The following PDAP1 variants were observed in gnomAD, a reference collection of about 807,000 sequenced individuals.
The protein encoded by PDAP1 is PDGFA associated protein 1.
In PDAP1, 13 loss-of-function variants were observed where a neutral mutation model predicts 28.0. The ratio of observed to expected loss-of-function variants is 0.46; its 90% CI spans 0.30 to 0.74. The LOEUF (loss-of-function observed/expected upper bound fraction) is 0.74, where lower values mean the gene tolerates loss of function less well. Among genes scored for constraint, PDAP1 ranks in the 30% least tolerant of loss-of-function variants. The pLI, the probability that PDAP1 is intolerant of heterozygous loss-of-function variation, is 0.07. For synonymous variants in PDAP1, 77 were observed against 85.1 expected, an observed-to-expected ratio of 0.91 and a Z score of 0.52; for missense variants, 150 against 230.0, an observed-to-expected ratio of 0.65 and a Z score of 2.25.
chr7:99,396,507 C>A lies in PDAP1; in HGVS notation c.*175G>T. On this transcript the variant is annotated 3_prime_UTR_variant, in exon 6 of 6. Transcript: ENST00000350498. ...TAGCAGCTACCCCTCCCCCAGTCCC[C>A]CCCCCCATCCCCCAAACAATTTCTG... is the stretch of plus-strand genomic sequence containing the variant. 1 of 518,438 alleles carries A rather than the reference C, an allele frequency of 1.9e-6. No homozygotes were observed. The highest frequency in any genetic ancestry group is 1.7e-5 in the South Asian group (1 of 57,432). The allele number at this position is 518,438 out of a possible 1,614,324, so 32.1% of individuals were successfully genotyped here. A position where few individuals can be genotyped will look rare whatever the true frequency, so the allele number is the denominator to read the frequency against.
chr7:99,404,814 A>G (rs1562825161), intron 2 of PDAP1, 48 bp downstream of exon 2: 6 of 1,505,776 alleles, frequency 4.0e-6, no homozygotes, highest in Non-Finnish European at 3.7e-6. Flanking sequence ...CAAATTGGCA[A>G]AGCGCCACCC....
At chr7:99,397,704 A>C (rs545184912) in intron 5 of PDAP1, among the ~76,000 whole-genome samples, 158 bp downstream of exon 5, 37 of 152,286 alleles carry the variant, frequency 2.4e-4, no homozygotes, top group African/African-American at 8.7e-4. Context: ...AGGGAGTGGC[A>C]GGCACAGGGA....
intron 1 of PDAP1, among the ~76,000 whole-genome samples, chr7:99,407,001 T>C (rs563466042): frequency 1.3e-5 from 2 of 152,274 alleles, no homozygotes; most frequent in African/African-American, 2.4e-5. Flanking sequence ...CAACTCAAAA[T>C]TGATTACTAT....
Position 99,400,259 on chromosome 7 carries a change from T to C in PDAP1, c.335+44A>G, listed in dbSNP as rs1242588407. The C allele has an allele frequency of 1.9e-6, 3 of 1,609,510 alleles. No individual in the cohort carries two copies. In the South Asian group the frequency reaches 3.3e-5, roughly 18 times the overall value. On this transcript the variant is annotated intron_variant, in intron 4 of 5. Coordinates refer to ENST00000350498, the MANE Select transcript of PDAP1 (RefSeq NM_014891.7). The stretch of plus-strand genomic sequence containing the variant: ...CCTTAGCATCCCACAGGCCAACTGC[T>C]GGCCTGTATTCCCCGTGACACAAGG...
At chr7:99,404,446 G>A (rs1159205048) in intron 2 of PDAP1, among the ~76,000 whole-genome samples, 1 of 152,166 alleles carries the variant, frequency 6.6e-6, no homozygotes, top group East Asian at 1.9e-4. Flanking sequence ...GGGATGGAGA[G>A]CATGCTGATG....
chr7:99,403,281 C>CCT (rs1475180598), intron 3 of PDAP1, 117 bp downstream of exon 3: 5 of 674,822 alleles, frequency 7.4e-6, no homozygotes, highest in African/African-American at 5.4e-5. Flanking sequence ...TAGTGTAAAC[C>CCT]CTCAAGAGCA....
At chr7:99,405,850 T>C (rs1361412016) in intron 1 of PDAP1, among the ~76,000 whole-genome samples, 1 of 152,222 alleles carries the variant, frequency 6.6e-6, no homozygotes, top group African/African-American at 2.4e-5. Context: ...CAGTCTCAGT[T>C]TCCTCATCTG....
intron 1 of PDAP1, among the ~76,000 whole-genome samples, chr7:99,407,351 C>A (rs758977441): frequency 2.6e-5 from 4 of 152,304 alleles, no homozygotes; most frequent in Non-Finnish European, 5.9e-5. Flanking sequence ...GGGAGGATGG[C>A]TCATTCAGCA....
chr7:99,400,236 T>C, intron 4 of PDAP1, 67 bp downstream of exon 4: 1 of 1,578,096 alleles, frequency 6.3e-7, no homozygotes, highest in Non-Finnish European at 8.7e-7. Flanking sequence ...GCTGGGGACC[T>C]TAGCATCCCA....
Position 99,396,524 on chromosome 7 carries a change from C to T in PDAP1, c.*158G>A, listed in dbSNP as rs2150902408. The T allele has an allele frequency of 2.7e-6, 1 of 365,178 alleles. No individual in the cohort carries two copies. Among genetic ancestry groups the T allele is most frequent in the South Asian group, 1.9e-5 (1 of 53,946 alleles). 22.6% of individuals were successfully genotyped at this position (365,178 alleles called of 1,614,324 possible). A position where few individuals can be genotyped will look rare whatever the true frequency, so the allele number is the denominator to read the frequency against. Reference sequence around the variant, plus strand: ...CCAGTCCCCCCCCCCATCCCCCAAACAATTTCTGTGCCAAGATGAAGAGGA... The same window carrying T: ...CCAGTCCCCCCCCCCATCCCCCAAATAATTTCTGTGCCAAGATGAAGAGGA... On this transcript the variant is annotated 3_prime_UTR_variant, in exon 6 of 6. Transcript: ENST00000350498.
chr7:99,406,197 G>A (rs780258903), intron 1 of PDAP1, among the ~76,000 whole-genome samples: 9 of 152,292 alleles, frequency 5.9e-5, no homozygotes, highest in Admixed American at 2.0e-4. Context: ...TGCAGTAGCC[G>A]AGATTGAGCC....
intron 1 of PDAP1, among the ~76,000 whole-genome samples, 198 bp from the exon 2 acceptor site, chr7:99,405,151 CCAA>C (rs754224432): frequency 5.3e-5 from 8 of 152,114 alleles, no homozygotes; most frequent in Admixed American, 2.6e-4. Flanking sequence ...TGATGCATCA[CCAA>C]ACTGTGTACT....
At chr7:99,404,007 A>G (rs1794925124) in intron 2 of PDAP1, among the ~76,000 whole-genome samples, 1 of 152,086 alleles carries the variant, frequency 6.6e-6, no homozygotes, top group African/African-American at 2.4e-5. Flanking sequence ...GCTCCCCAGA[A>G]CAACACCTCG....
At position 99,398,005 on chromosome 7, in the gene PDAP1, A is replaced by G. The variant is rs746160732; in HGVS notation, c.344T>C (p.Ile115Thr). The G allele has an allele frequency of 3.1e-6, 5 of 1,614,120 alleles. No homozygotes were observed. The highest frequency in any genetic ancestry group is 2.2e-5 in the South Asian group (2 of 91,074). ...ACGCTCTTTTGCCTTCTGCTTCTCA[A>G]TCTCTTCTCTGTGTGGATAAAATGG... ...KELSRREREE[I>T]EKQKAKERYM... Residue 115 changes from isoleucine to threonine, a missense_variant, in exon 5 of 6, where the codon ATT (isoleucine) becomes ACT (threonine). Physicochemically the swap from Ile to Thr is moderately conservative, Grantham distance 89. Coordinates refer to ENST00000350498, the MANE Select transcript of PDAP1 (RefSeq NM_014891.7).
Position 99,396,578 on chromosome 7 carries a change from A to C in PDAP1, c.*104T>G. 4.2e-6 allele frequency: 3 copies of C among 716,556 alleles called. No homozygotes were observed. The highest frequency in any genetic ancestry group is 4.6e-6 in the Non-Finnish European group (2 of 432,916). 44.4% of individuals were successfully genotyped at this position (716,556 alleles called of 1,614,324 possible). On this transcript the variant is annotated 3_prime_UTR_variant, in exon 6 of 6. Coordinates refer to ENST00000350498, the MANE Select transcript of PDAP1 (RefSeq NM_014891.7). Reference sequence around the variant, plus strand: ...CCCAGGCCATGGGGGGCTCCTGGCCATGAGGGGCTGTTGCAGCGGCGCCAG... The same window carrying C: ...CCCAGGCCATGGGGGGCTCCTGGCCCTGAGGGGCTGTTGCAGCGGCGCCAG...
rs1215992305 is a variant in PDAP1 at position 99,396,685 on chromosome 7, C to G, written c.543G>C (p.Lys181Asn). 1 of 1,611,602 alleles carries G rather than the reference C, an allele frequency of 6.2e-7. No individual in the cohort carries two copies. Among genetic ancestry groups the G allele is most frequent in the Non-Finnish European group, 8.5e-7 (1 of 1,179,568 alleles). The change falls in exon 6 of 6, where the codon AAG (lysine) becomes AAC (asparagine). Residue 181 changes from lysine (K) to asparagine (N), a missense_variant. Coordinates refer to ENST00000350498, the MANE Select transcript of PDAP1 (RefSeq NM_014891.7). The part of the protein sequence containing the change: ...GKRMQSLSLN[K>N] ...CATCTCCTCCCACGGGTCGCAGTTA[C>G]TTATTCAGGGAGAGTGACTGCATTC... is the stretch of plus-strand genomic sequence containing the variant.
chr7:99,397,637 G>A (rs1306983441), intron 5 of PDAP1, among the ~76,000 whole-genome samples: 1 of 152,202 alleles, frequency 6.6e-6, no homozygotes, highest in Non-Finnish European at 1.5e-5. Context: ...ACGGTGCTCT[G>A]CTGAGACTTC....
At chr7:99,402,887 A>AG (rs1266338103) in intron 3 of PDAP1, among the ~76,000 whole-genome samples, 5 of 131,520 alleles carry the variant, frequency 3.8e-5, no homozygotes, top group Admixed American at 2.9e-4. Flanking sequence ...TCAAAAAAAA[A>AG]AAAAAAAAAG....
In PDAP1 at chr7:99,394,698, GAAAAAAA is replaced by G. The variant is rs57668352; in HGVS notation, c.*1977_*1983del. 2 of 1,164,810 alleles carry G rather than the reference GAAAAAAA, an allele frequency of 1.7e-6. No individual in the cohort carries two copies. The highest frequency in any genetic ancestry group is 1.9e-5 in the African/African-American group (1 of 53,716). 72.2% of individuals were successfully genotyped at this position (1,164,810 alleles called of 1,614,324 possible). A position where few individuals can be genotyped will look rare whatever the true frequency, so the allele number is the denominator to read the frequency against. On this transcript the variant is annotated 3_prime_UTR_variant, in exon 6 of 6. Coordinates refer to ENST00000350498, the MANE Select transcript of PDAP1 (RefSeq NM_014891.7). ...TTTTTCTTAAATGCTTTCATTTATT[GAAAAAAA>G]AAAAAAATGCCCCCAAAGCACTATG...
Sources: allele counts gnomAD v4.1 joint callset (sites outside exome capture counted in the v4.1 genomes callset), GRCh38; gene constraint gnomAD v4.1.1; transcripts MANE v1.5; gene names NCBI Gene and HGNC (gene_info 2026-07-23, HGNC 2026-07-21).